Variants in SNX29 observed in about 807,000 individuals in gnomAD.
SNX29 encodes sorting nexin 29, also known as sorting nexin-29.
A neutral mutation model predicts 102.1 loss-of-function variants in SNX29; 78 were observed. The observed-to-expected ratio is 0.76, with a 90% CI of 0.64 to 0.92. The LOEUF is 0.92. Ranked by LOEUF, SNX29 falls within the 40% of genes least tolerant of loss-of-function variation. The probability of loss-of-function intolerance (pLI) is 0.00; values close to 1 mark genes in which losing one functional copy is unlikely to be tolerated. For synonymous variants in SNX29, 580 were observed against 414.5 expected, an observed-to-expected ratio of 1.40 and a Z score of -4.85; for missense variants, 1,280 against 1,061.7, an observed-to-expected ratio of 1.21 and a Z score of -2.86.
At chr16:12,265,270 G>T (rs75682122) in intron 14 of SNX29, among the ~76,000 whole-genome samples, 2,126 of 152,266 alleles carry the variant, frequency 0.014, 52 homozygotes, top group African/African-American at 0.049. Flanking sequence ...TTTCACTTGG[G>T]GGGGAGAAAC....
At chr16:12,183,749 A>T (rs929530223) in intron 13 of SNX29, among the ~76,000 whole-genome samples, 1 of 152,242 alleles carries the variant, frequency 6.6e-6, no homozygotes, top group African/African-American at 2.4e-5. Flanking sequence ...TGGATGAGAT[A>T]GGAGGTCGGC....
At position 12,151,417 on chromosome 16, in the gene SNX29, G is replaced by A. The variant is rs773436420; in HGVS notation, c.1595+21659G>A. ...GGGTTCTGATTTTACTTTTCAAAGT[G>A]TTAAGTCAGCTCATGCCATTCTTAT... On this transcript the variant is annotated intron_variant, in intron 13 of 20. Transcript: ENST00000566228. Among the ~76,000 whole-genome samples, 7 of 152,284 alleles carry A rather than the reference G, an allele frequency of 4.6e-5. No homozygotes were observed. In the South Asian group the frequency reaches 1.0e-3, roughly 23 times the overall value.
At chr16:12,154,857 C>T (rs547943506) in intron 13 of SNX29, among the ~76,000 whole-genome samples, 2 of 152,138 alleles carry the variant, frequency 1.3e-5, no homozygotes, top group South Asian at 4.1e-4. Context: ...GGCACGAATC[C>T]CATTCATAAA....
rs532422268 is a variant in SNX29, at chr16:12,129,278, G to A, written c.1467-352G>A. ...GACCTGGTGTAGCTGTGACAAAATG[G>A]TCTCATTGTAATGTGCTACACCTTT... On this transcript the variant is annotated intron_variant, in intron 12 of 20. Transcript: ENST00000566228. 3.3e-5 allele frequency among the ~76,000 whole-genome samples: 5 copies of A among 152,288 alleles called. No homozygotes were observed. The South Asian group carries it at 1.0e-3, about 32-fold the overall frequency.
In SNX29 at chr16:12,278,044, C is replaced by T. The variant is rs1446107561; in HGVS notation, c.1782+8C>T. 9.4e-6 allele frequency: 15 copies of T among 1,588,062 alleles called. No homozygotes were observed. The highest frequency in any genetic ancestry group is 9.0e-5 in the Admixed American group (5 of 55,818). On this transcript the variant is annotated splice_region_variant and intron_variant, in intron 15 of 20. Coordinates refer to ENST00000566228, the MANE Select transcript of SNX29 (RefSeq NM_032167.5). ...GAAAGAAAGCTCATCGAGGTAAGGC[C>T]GGTGGAGTCTGTGTGTCTTTGTTTC...
intron 14 of SNX29, among the ~76,000 whole-genome samples, chr16:12,225,170 G>A (rs2077577379): frequency 6.6e-6 from 1 of 152,092 alleles, no homozygotes; most frequent in South Asian, 2.1e-4. Flanking sequence ...CACTGCCTTT[G>A]ATATTATCTT....
chr16:12,034,327 G>C (rs1223949815), intron 4 of SNX29, among the ~76,000 whole-genome samples: 1 of 152,280 alleles, frequency 6.6e-6, no homozygotes, highest in African/African-American at 2.4e-5. Flanking sequence ...GTTCCCTGTT[G>C]GTGATTTTCT....
At chr16:12,491,187 C>T (rs1488685787) in intron 19 of SNX29, among the ~76,000 whole-genome samples, 9 of 152,218 alleles carry the variant, frequency 5.9e-5, no homozygotes, top group Admixed American at 2.6e-4. Flanking sequence ...ACATTTAGGT[C>T]GTTTGCAATT....
At chr16:12,566,959 G>A (rs1043849741) in intron 20 of SNX29, among the ~76,000 whole-genome samples, 2 of 152,232 alleles carry the variant, frequency 1.3e-5, no homozygotes, top group South Asian at 2.1e-4. Context: ...TTGAAACGAG[G>A]GATCTCACTC....
intron 12 of SNX29, among the ~76,000 whole-genome samples, chr16:12,128,853 A>G (rs1264181130): frequency 6.6e-6 from 1 of 152,136 alleles, no homozygotes; most frequent in African/African-American, 2.4e-5. Context: ...AGCCAGGTAG[A>G]ATGAAGTAAA....
At chr16:12,464,504 A>G (rs2086962945) in intron 18 of SNX29, among the ~76,000 whole-genome samples, 1 of 152,146 alleles carries the variant, frequency 6.6e-6, no homozygotes, top group African/African-American at 2.4e-5. Flanking sequence ...CCCAGGCTGG[A>G]GTGCAGTGAT....
At chr16:12,409,387 T>C (rs2151538011) in intron 18 of SNX29, among the ~76,000 whole-genome samples, 1 of 151,650 alleles carries the variant, frequency 6.6e-6, no homozygotes, top group Admixed American at 6.6e-5. Context: ...ATTCCCCAAA[T>C]TCCCTGACTC....
intron 18 of SNX29, among the ~76,000 whole-genome samples, chr16:12,449,340 A>T (rs1226477791): frequency 6.6e-6 from 1 of 151,688 alleles, no homozygotes; most frequent in Non-Finnish European, 1.5e-5. Context: ...CGGTGGGGAC[A>T]AGCAGAGGGA....
chr16:12,389,645 A>T (rs1372311894), intron 16 of SNX29, among the ~76,000 whole-genome samples: 4 of 152,198 alleles, frequency 2.6e-5, no homozygotes, highest in Admixed American at 6.5e-5. Flanking sequence ...CTTAAAAAAA[A>T]AATCATGTTT....
At chr16:12,353,961 TAAG>T (rs1193077221) in intron 15 of SNX29, among the ~76,000 whole-genome samples, 12 of 152,242 alleles carry the variant, frequency 7.9e-5, no homozygotes, top group South Asian at 2.1e-4. Context: ...TGTTGAAAAA[TAAG>T]AAGGTCAGAT....
chr16:12,455,529 C>T (rs2086498531), intron 18 of SNX29, among the ~76,000 whole-genome samples: 1 of 152,248 alleles, frequency 6.6e-6, no homozygotes, highest in African/African-American at 2.4e-5. Context: ...TGTTCCTTGT[C>T]TCTTCCCTCC....
At chr16:12,333,656 G>A (rs796860355) in intron 15 of SNX29, among the ~76,000 whole-genome samples, 6 of 152,140 alleles carry the variant, frequency 3.9e-5, no homozygotes, top group African/African-American at 1.4e-4. Context: ...CTTCCCCAGG[G>A]CTCCCAGTCC....
chr16:12,008,139 T>C (rs1352649424), intron 3 of SNX29, among the ~76,000 whole-genome samples: 2 of 152,092 alleles, frequency 1.3e-5, no homozygotes, highest in Non-Finnish European at 2.9e-5. Flanking sequence ...AGAGATGGGG[T>C]TTCACCGTGT....
At chr16:12,337,412 G>A (rs989657615) in intron 15 of SNX29, among the ~76,000 whole-genome samples, 12 of 152,216 alleles carry the variant, frequency 7.9e-5, no homozygotes, top group African/African-American at 2.4e-4. Flanking sequence ...TGCGATCTCG[G>A]TTCACCACAG....
Sources: gnomAD v4.1 joint callset for allele counts (sites outside exome capture counted in the v4.1 genomes callset) on GRCh38, gnomAD v4.1.1 for gene constraint, MANE v1.5 for transcripts, NCBI Gene and HGNC (gene_info 2026-07-23, HGNC 2026-07-21) for gene names.